THSD4: variants seen among roughly 807,000 people sequenced by gnomAD.
The protein encoded by THSD4 is thrombospondin type-1 domain-containing protein 4.
In THSD4, 69 loss-of-function variants were observed where a neutral mutation model predicts 119.0. The ratio of observed to expected loss-of-function variants is 0.58; its 90% confidence interval spans 0.48 to 0.71. The LOEUF is 0.71. Among genes scored for constraint, THSD4 ranks in the 30% least tolerant of loss-of-function variants. The pLI is 0.00. For synonymous variants in THSD4, 524 were observed against 540.4 expected (o/e 0.97, Z 0.42); for missense variants, 1,393 against 1,391.1 (o/e 1.00, Z -0.02).
At chr15:71,323,507 C>T (rs2045301389) in intron 6 of THSD4, among the ~76,000 whole-genome samples, 1 of 152,168 alleles carries the variant, frequency 6.6e-6, no homozygotes, top group South Asian at 2.1e-4. Flanking sequence ...TCTCAGGTTC[C>T]CTGAAAACTG....
intron 7 of THSD4, among the ~76,000 whole-genome samples, chr15:71,612,474 C>A (rs1328682577): frequency 1.3e-5 from 2 of 152,206 alleles, no homozygotes; most frequent in African/African-American, 4.8e-5. Context: ...CAACTGCTAT[C>A]CTAGGCTCAG....
intron 4 of THSD4, among the ~76,000 whole-genome samples, chr15:71,225,478 C>T (rs928084400): frequency 2.0e-5 from 3 of 151,898 alleles, no homozygotes; most frequent in Admixed American, 1.3e-4. Context: ...TTTTCTGCCA[C>T]CCAGAGTAAT....
chr15:71,602,422 G>T (rs1268947469), intron 7 of THSD4, among the ~76,000 whole-genome samples: 1 of 151,200 alleles, frequency 6.6e-6, no homozygotes, highest in Non-Finnish European at 1.5e-5. Context: ...GTGTGGTGGC[G>T]CATGCCTCTA....
rs2053345315 is a variant in THSD4 at position 71,746,749 on chromosome 15, A to C, written c.2037-89A>C. 8.0e-6 allele frequency: 11 copies of C among 1,369,862 alleles called. No individual in the cohort carries two copies. The Admixed American group carries it at 1.7e-4, about 21-fold the overall frequency. 84.9% of individuals were successfully genotyped at this position (1,369,862 alleles called of 1,614,324 possible). A position where few individuals can be genotyped will look rare whatever the true frequency, so the allele number is the denominator to read the frequency against. On this transcript the variant is annotated intron_variant, in intron 12 of 17. Coordinates refer to ENST00000261862, the MANE Select transcript of THSD4 (RefSeq NM_024817.3). ...AGAAACTCTACCCATAGTGATTCTG[A>C]TGATTCTGTGTACGCTGCTGCGGGC...
chr15:71,513,275 C>T (rs1280015779), intron 7 of THSD4, among the ~76,000 whole-genome samples: 1 of 152,200 alleles, frequency 6.6e-6, no homozygotes, highest in Non-Finnish European at 1.5e-5. Context: ...TTCCATCAAG[C>T]AAAGCAGTCC....
rs2053961735 is a variant in THSD4, at chr15:71,779,166, A to T, written c.*1792A>T. The stretch of plus-strand genomic sequence containing the variant: ...TTGGCCTTTCTGTGGGTAGCTTTCC[A>T]GCTTCTCTTCTAGGGAGCCCCAGGC... On this transcript the variant is annotated 3_prime_UTR_variant, in exon 18 of 18. Coordinates refer to ENST00000261862, the MANE Select transcript of THSD4 (RefSeq NM_024817.3). 6.6e-6 allele frequency: 1 copy of T among 152,196 alleles called. No homozygotes were observed. Among genetic ancestry groups the T allele is most frequent in the Admixed American group, 6.5e-5 (1 of 15,282 alleles). The allele number at this position is 152,196 out of a possible 1,614,324, so 9.4% of individuals were successfully genotyped here.
intron 7 of THSD4, among the ~76,000 whole-genome samples, chr15:71,607,535 AT>A (rs2050131767): frequency 6.6e-6 from 1 of 152,250 alleles, no homozygotes; most frequent in Non-Finnish European, 1.5e-5. Flanking sequence ...GTGTGTGGTC[AT>A]CACAGCACAA....
chr15:71,703,699 T>C (rs997859121), intron 8 of THSD4, among the ~76,000 whole-genome samples: 19 of 151,986 alleles, frequency 1.3e-4, no homozygotes, highest in African/African-American at 4.6e-4. Flanking sequence ...CAGCCTGGGG[T>C]GGATGGAGAT....
At chr15:71,744,225 A>G (rs1001334936) in intron 11 of THSD4, among the ~76,000 whole-genome samples, 1 of 147,850 alleles carries the variant, frequency 6.8e-6, no homozygotes, top group East Asian at 2.0e-4. Context: ...TCGAAAATAG[A>G]TGTATCCTTA....
At chr15:71,117,968 A>G (rs1160490046) in intron 1 of THSD4, among the ~76,000 whole-genome samples, 1 of 152,172 alleles carries the variant, frequency 6.6e-6, no homozygotes, top group Non-Finnish European at 1.5e-5. Flanking sequence ...TAAAGAAATA[A>G]CCGCAATACA....
At chr15:71,379,754 G>A (rs1039454462) in intron 6 of THSD4, among the ~76,000 whole-genome samples, 2 of 151,778 alleles carry the variant, frequency 1.3e-5, no homozygotes, top group Non-Finnish European at 2.9e-5. Flanking sequence ...CACCGCGCCC[G>A]GCCACAAATG....
chr15:71,113,205 TAAAAC>T (rs2040320604), upstream of THSD4, among the ~76,000 whole-genome samples: 1 of 152,096 alleles, frequency 6.6e-6, no homozygotes, highest in Non-Finnish European at 1.5e-5. Context: ...AATAAACAAA[TAAAAC>T]AAGTATTATC....
chr15:71,219,413 C>T lies in THSD4; in HGVS notation c.464+4014C>T, dbSNP rs562209513. On this transcript the variant is annotated intron_variant, in intron 4 of 17. Coordinates refer to ENST00000261862, the MANE Select transcript of THSD4 (RefSeq NM_024817.3). Reference sequence around the variant, plus strand: ...CAGAATTTTCCAAGTTTGGTGAGCACGTATCAGAATCACTTGCCGTGGAGT... The same window carrying T: ...CAGAATTTTCCAAGTTTGGTGAGCATGTATCAGAATCACTTGCCGTGGAGT... Among the ~76,000 whole-genome samples, 46 of 152,234 alleles carry T rather than the reference C, an allele frequency of 3.0e-4. 1 individual carries two copies. The South Asian group carries it at 8.5e-3, about 28-fold the overall frequency.
intron 6 of THSD4, among the ~76,000 whole-genome samples, chr15:71,411,116 T>A (rs1204833107): frequency 6.6e-6 from 1 of 152,174 alleles, no homozygotes; most frequent in South Asian, 2.1e-4. Context: ...AAAGTAATTG[T>A]GCAGTTACTT....
intron 7 of THSD4, among the ~76,000 whole-genome samples, chr15:71,610,224 G>C (rs1166343214): frequency 2.0e-5 from 3 of 152,214 alleles, no homozygotes; most frequent in African/African-American, 4.8e-5. Context: ...GAGAGGCAGA[G>C]AACCATGGTG....
chr15:71,737,613 G>A, intron 10 of THSD4, 119 bp from the exon 11 acceptor site: 1 of 1,359,550 alleles, frequency 7.4e-7, no homozygotes, highest in Non-Finnish European at 9.8e-7. Flanking sequence ...ATGTGCTTAT[G>A]TGCTGTGACT....
At chr15:71,485,224 C>T (rs1329387332) in intron 7 of THSD4, among the ~76,000 whole-genome samples, 1 of 152,246 alleles carries the variant, frequency 6.6e-6, no homozygotes, top group East Asian at 1.9e-4. Flanking sequence ...ATTCGTCTGA[C>T]CTGGTCATCT....
Position 71,215,145 on chromosome 15 carries a change from C to G in THSD4, c.210C>G (p.Ser70Arg), listed in dbSNP as rs1174155483. The change falls in exon 4 of 18, where the codon AGC becomes AGG. Residue 70 changes from serine (S) to arginine (R), a missense_variant. Transcript: ENST00000261862. The stretch of plus-strand genomic sequence containing the variant: ...GGTCGGCCTGCTCGCGTAGCTGCAG[C>G]GGCGGCGTGATGGAGCAGACGCGGC... ...GPWSACSRSC[S>R]GGVMEQTRPC... 2 of 1,371,666 alleles carry G rather than the reference C, an allele frequency of 1.5e-6. No individual in the cohort carries two copies. The highest frequency in any genetic ancestry group is 1.9e-6 in the Non-Finnish European group (2 of 1,059,260). The allele number at this position is 1,371,666 out of a possible 1,614,324, so 85.0% of individuals were successfully genotyped here.
At chr15:71,327,949 A>G (rs1007446689) in intron 6 of THSD4, among the ~76,000 whole-genome samples, 6 of 152,234 alleles carry the variant, frequency 3.9e-5, no homozygotes, top group African/African-American at 1.4e-4. Flanking sequence ...TTTCAATTAA[A>G]CATACTGTAG....
Sources: allele counts gnomAD v4.1 joint callset (sites outside exome capture counted in the v4.1 genomes callset), GRCh38; gene constraint gnomAD v4.1.1; transcripts MANE v1.5; gene names NCBI Gene and HGNC (gene_info 2026-07-23, HGNC 2026-07-21).